CDC14B: variants seen among roughly 807,000 people sequenced by gnomAD.
CDC14B encodes dual specificity protein phosphatase CDC14B.
CDC14B carries 22 observed loss-of-function variants against 64.2 expected under a neutral mutation model. That is an observed-to-expected ratio of 0.34 (90% CI 0.24 to 0.49). The LOEUF (loss-of-function observed/expected upper bound fraction) is 0.49. CDC14B is among the 20% of genes least tolerant of loss of function. The pLI, the probability that CDC14B is intolerant of heterozygous loss-of-function variation, is 0.99. For synonymous variants in CDC14B, 191 were observed against 215.8 expected (o/e 0.89, Z 1.01); for missense variants, 498 against 629.9 (o/e 0.79, Z 2.24).
At chr9:96,539,019 C>T in intron 7 of CDC14B, 59 bp downstream of exon 7, 1 of 1,051,320 alleles carries the variant, frequency 9.5e-7, no homozygotes. Flanking sequence ...TCAATTATTC[C>T]CCTCAATAAA....
intron 4 of CDC14B, among the ~76,000 whole-genome samples, chr9:96,558,000 AT>A (rs1278183119): frequency 6.6e-6 from 1 of 152,236 alleles, no homozygotes; most frequent in African/African-American, 2.4e-5. Flanking sequence ...GATGAATACC[AT>A]GTATCTTCAG....
At chr9:96,499,884 G>A (rs1833412695), downstream of CDC14B, among the ~76,000 whole-genome samples, 1 of 152,222 alleles carries the variant, frequency 6.6e-6, no homozygotes, top group African/African-American at 2.4e-5. Flanking sequence ...CCAAGCCCAG[G>A]AGAGAGGCCT....
At chr9:96,613,235 A>C (rs978597798) in intron 1 of CDC14B, among the ~76,000 whole-genome samples, 2 of 152,196 alleles carry the variant, frequency 1.3e-5, no homozygotes, top group African/African-American at 4.8e-5. Context: ...ATTCCCACAG[A>C]CTATCTCAGA....
intron 4 of CDC14B, among the ~76,000 whole-genome samples, chr9:96,560,578 CTTTCTCTTTT>C (rs1274511402): frequency 7.2e-6 from 1 of 139,436 alleles, no homozygotes; most frequent in Admixed American, 7.0e-5. Flanking sequence ...AGACTTTTCT[CTTTCTCTTTT>C]TTTTTTTTTT....
At chr9:96,603,206 T>C (rs1027156528) in intron 1 of CDC14B, among the ~76,000 whole-genome samples, 1 of 147,764 alleles carries the variant, frequency 6.8e-6, no homozygotes, top group Admixed American at 6.7e-5. Flanking sequence ...ACACAAAACA[T>C]CTCTGGTAAG....
downstream of CDC14B, among the ~76,000 whole-genome samples, chr9:96,497,717 G>A (rs535851323): frequency 1.4e-4 from 21 of 152,204 alleles, no homozygotes; most frequent in Admixed American, 7.2e-4. Flanking sequence ...GGCTCTTAGC[G>A]TGTGCCAGAC....
downstream of CDC14B, among the ~76,000 whole-genome samples, chr9:96,498,881 A>T (rs1833361045): frequency 6.6e-6 from 1 of 152,236 alleles, no homozygotes; most frequent in Non-Finnish European, 1.5e-5. Context: ...GTGGCTCTAG[A>T]TGACAGGGAA....
In CDC14B at chr9:96,550,102, A is replaced by T. The variant is rs552179683; in HGVS notation, c.497+1694T>A. Among the ~76,000 whole-genome samples the T allele has an allele frequency of 5.6e-4, 86 of 152,290 alleles. No homozygotes were observed. In the South Asian group the frequency reaches 0.018, roughly 31 times the overall value. On this transcript the variant is annotated intron_variant, in intron 5 of 13. Transcript: ENST00000375241. The stretch of plus-strand genomic sequence containing the variant: ...TCAAGAGATGACCAAGGTGCCTGTG[A>T]CTCAAGACCAAAAATACAAGCATTT...
intron 12 of CDC14B, among the ~76,000 whole-genome samples, chr9:96,522,002 C>A (rs938043074): frequency 1.3e-5 from 2 of 152,192 alleles, no homozygotes; most frequent in Non-Finnish European, 2.9e-5. Context: ...TTCCTATTCT[C>A]AGGCTAAATC....
intron 1 of CDC14B, among the ~76,000 whole-genome samples, chr9:96,601,280 T>C (rs945101679): frequency 2.0e-5 from 3 of 152,068 alleles, no homozygotes; most frequent in African/African-American, 7.2e-5. Context: ...AGGCGGATCA[T>C]GAGGTCAAGA....
rs71273970 is a variant in CDC14B, at chr9:96,607,353, AT to A, written c.160+11865del. On this transcript the variant is annotated intron_variant, in intron 1 of 13. Transcript: ENST00000375241. ...TCCTCAGTAAGACAGATTTCATTAAATTTTTTTTTTTTTTCATTTTGGAGCA... is the reference window on the plus strand; with the variant it reads ...TCCTCAGTAAGACAGATTTCATTAAATTTTTTTTTTTTTCATTTTGGAGCA... Among the ~76,000 whole-genome samples the A allele has an allele frequency of 1.5e-3, 189 of 127,712 alleles. 2 individuals are homozygous for A. The highest frequency in any genetic ancestry group is 5.3e-3 in the South Asian group (21 of 3,994). 83.8% of individuals were successfully genotyped at this position (127,712 alleles called of 152,430 possible).
rs747212896 is a variant in CDC14B, at chr9:96,533,910, C to T, written c.946+17G>A. The stretch of plus-strand genomic sequence containing the variant: ...CTCATACTGTATACTATTCTTTAAC[C>T]ACCCCTAGAAACATACCTTTGCAAT... On this transcript the variant is annotated intron_variant, in intron 9 of 13. Transcript: ENST00000375241. 2.6e-6 allele frequency: 4 copies of T among 1,524,114 alleles called. No homozygotes were observed. The highest frequency in any genetic ancestry group is 2.7e-5 in the African/African-American group (2 of 72,886). The allele number at this position is 1,524,114 out of a possible 1,614,324, so 94.4% of individuals were successfully genotyped here.
intron 6 of CDC14B, among the ~76,000 whole-genome samples, chr9:96,541,191 T>C (rs551324663): frequency 1.3e-5 from 2 of 152,234 alleles, no homozygotes; most frequent in African/African-American, 4.8e-5. Flanking sequence ...TGCTGCACTG[T>C]GTGACCCCAG....
chr9:96,522,004 G>C (rs1265865949), intron 12 of CDC14B, among the ~76,000 whole-genome samples: 1 of 152,042 alleles, frequency 6.6e-6, no homozygotes, highest in East Asian at 1.9e-4. Context: ...CCTATTCTCA[G>C]GCTAAATCTT....
At chr9:96,493,800 G>A (rs1185270055) in intron 13 of CDC14B, among the ~76,000 whole-genome samples, 1 of 152,180 alleles carries the variant, frequency 6.6e-6, no homozygotes, top group African/African-American at 2.4e-5. Context: ...ACTCCAGCCT[G>A]GGTGACAGAG....
At chr9:96,542,438 T>C (rs939533009) in intron 5 of CDC14B, among the ~76,000 whole-genome samples, 2 of 152,210 alleles carry the variant, frequency 1.3e-5, no homozygotes, top group African/African-American at 4.8e-5. Flanking sequence ...CATAAGCATT[T>C]TGTTGCTATC....
intron 13 of CDC14B, chr9:96,493,356 C>T (rs938121966): frequency 6.6e-6 from 1 of 152,420 alleles, no homozygotes; most frequent in Non-Finnish European, 1.5e-5. Context: ...TCCCTGAACC[C>T]TCCCGACACT....
chr9:96,491,444 T>C (rs540588542), exon 14 of CDC14B: 10 of 152,236 alleles, frequency 6.6e-5, no homozygotes, highest in Non-Finnish European at 1.0e-4. Flanking sequence ...CAGTTAAGGA[T>C]GTTTGCTTTG....
rs1834629401 is a variant in CDC14B, at chr9:96,509,607, G to A, written c.1460+66C>T. On this transcript the variant is annotated intron_variant, in intron 13 of 13. Coordinates refer to ENST00000375241, the MANE Select transcript of CDC14B (RefSeq NM_033331.4). ...ATTTCATGTCAGTCTCCAGAGGTAG[G>A]GTCCAAATATTAAACTGGAAAACAA... 10 of 911,406 alleles carry A rather than the reference G, an allele frequency of 1.1e-5. No individual in the cohort carries two copies. In the South Asian group the frequency reaches 1.3e-4, roughly 12 times the overall value. The allele number at this position is 911,406 out of a possible 1,614,324, so 56.5% of individuals were successfully genotyped here.
Sources: gnomAD v4.1 joint callset for allele counts (sites outside exome capture counted in the v4.1 genomes callset) on GRCh38, gnomAD v4.1.1 for gene constraint, MANE v1.5 for transcripts, NCBI Gene and HGNC (gene_info 2026-07-23, HGNC 2026-07-21) for gene names.